SNTG1: variants seen among roughly 807,000 people sequenced by gnomAD.
The protein encoded by SNTG1 is syntrophin gamma 1.
In SNTG1, 39 loss-of-function variants were observed where a neutral mutation model predicts 74.7. The observed-to-expected ratio is 0.52, with a 90% confidence interval of 0.40 to 0.68. SNTG1 has a LOEUF of 0.68. Ranked by LOEUF, SNTG1 falls within the 30% of genes least tolerant of loss-of-function variation. SNTG1 has a pLI of 0.00. For missense variants in SNTG1, 685 were observed against 609.5 expected (o/e 1.12, Z -1.30); for synonymous variants, 254 against 217.1 (o/e 1.17, Z -1.49).
intron 3 of SNTG1, among the ~76,000 whole-genome samples, chr8:50,396,688 A>G (rs1292916923): frequency 1.3e-5 from 2 of 152,202 alleles, no homozygotes; most frequent in African/African-American, 4.8e-5. Flanking sequence ...TATATCTGAT[A>G]TTGTGAGTAT....
intron 4 of SNTG1, among the ~76,000 whole-genome samples, chr8:50,411,306 G>T (rs2092945379): frequency 1.3e-5 from 2 of 151,940 alleles, no homozygotes; most frequent in Non-Finnish European, 1.5e-5. Flanking sequence ...AAATTAGCCA[G>T]GCATGGTGGC....
intron 18 of SNTG1, among the ~76,000 whole-genome samples, chr8:50,754,289 A>G (rs934838466): frequency 1.3e-5 from 2 of 151,984 alleles, no homozygotes; most frequent in African/African-American, 4.8e-5. Context: ...GTGGCTACAG[A>G]ATATAGATAA....
rs1811434626 is a variant in SNTG1, at chr8:49,969,385, A to ATATT, written c.-103+57155_-103+57156insATTT. ...GCAAATACACATTTTAATTCATTTA[A>ATATT]TCTTTTTTTTTTTTTTTTTTTTTTT... On this transcript the variant is annotated intron_variant, in intron 1 of 18. Transcript: ENST00000642720. Among the ~76,000 whole-genome samples the ATATT allele has an allele frequency of 4.3e-5, 5 of 116,628 alleles. 2 individuals are homozygous for ATATT. Among genetic ancestry groups the ATATT allele is most frequent in the Non-Finnish European group, 1.7e-5 (1 of 58,524 alleles). 76.5% of individuals were successfully genotyped at this position (116,628 alleles called of 152,430 possible). A position where few individuals can be genotyped will look rare whatever the true frequency, so the allele number is the denominator to read the frequency against.
chr8:50,294,177 T>C lies in SNTG1; in HGVS notation c.-27-100035T>C, dbSNP rs59212018. ...GAATAAAAAAGTTAAGATAACCTAA[T>C]ATTATTACACTTAAGATTAAGTAAT... On this transcript the variant is annotated intron_variant, in intron 2 of 18. Coordinates refer to ENST00000642720, the MANE Select transcript of SNTG1 (RefSeq NM_018967.5). Among the ~76,000 whole-genome samples, 381 of 152,280 alleles carry C rather than the reference T, an allele frequency of 2.5e-3. 1 individual carries two copies. Among genetic ancestry groups the C allele is most frequent in the African/African-American group, 8.8e-3 (367 of 41,562 alleles).
chr8:50,101,662 C>T (rs943534242), intron 1 of SNTG1, among the ~76,000 whole-genome samples: 22 of 151,968 alleles, frequency 1.4e-4, no homozygotes, highest in Admixed American at 3.3e-4. Context: ...CACACATTAA[C>T]TCGTCATTTA....
chr8:50,577,276 G>A (rs764656834), intron 12 of SNTG1, among the ~76,000 whole-genome samples: 3 of 152,030 alleles, frequency 2.0e-5, no homozygotes, highest in Non-Finnish European at 4.4e-5. Flanking sequence ...GAACTACTTC[G>A]ATTGATTTTC....
intron 1 of SNTG1, among the ~76,000 whole-genome samples, chr8:50,017,840 A>G (rs1008042361): frequency 1.3e-5 from 2 of 151,992 alleles, no homozygotes; most frequent in African/African-American, 4.8e-5. Context: ...ACCCACTTTC[A>G]ATAATGGATA....
chr8:50,234,969 T>C (rs896218347), intron 2 of SNTG1, among the ~76,000 whole-genome samples: 1 of 152,040 alleles, frequency 6.6e-6, no homozygotes, highest in Non-Finnish European at 1.5e-5. Context: ...AAAATCAGTG[T>C]GAGGAAAGAT....
intron 2 of SNTG1, among the ~76,000 whole-genome samples, chr8:50,226,519 A>G (rs1470026646): frequency 6.6e-6 from 1 of 152,216 alleles, no homozygotes; most frequent in African/African-American, 2.4e-5. Flanking sequence ...CTCTAAGGGC[A>G]GCCACTATAA....
At chr8:50,105,030 C>G (rs377128861) in intron 1 of SNTG1, among the ~76,000 whole-genome samples, 3 of 152,052 alleles carry the variant, frequency 2.0e-5, no homozygotes, top group African/African-American at 7.2e-5. Context: ...TCTGCAGAAG[C>G]CTTTTAATTT....
chr8:49,957,147 T>A (rs318890), intron 1 of SNTG1, among the ~76,000 whole-genome samples: 1 of 152,220 alleles, frequency 6.6e-6, no homozygotes, highest in African/African-American at 2.4e-5. Context: ...TAGAAGCACA[T>A]CATTAAGATG....
At chr8:50,583,564 A>G (rs928813382) in intron 12 of SNTG1, among the ~76,000 whole-genome samples, 3 of 152,098 alleles carry the variant, frequency 2.0e-5, no homozygotes, top group Non-Finnish European at 2.9e-5. Flanking sequence ...GGATATTCAC[A>G]ATACATTTTA....
intron 18 of SNTG1, among the ~76,000 whole-genome samples, chr8:50,789,770 A>G (rs1257128242): frequency 1.6e-4 from 25 of 151,840 alleles, no homozygotes; most frequent in Admixed American, 1.5e-3. Context: ...CAGAATCATC[A>G]TTTTCTGACT....
intron 1 of SNTG1, among the ~76,000 whole-genome samples, chr8:49,937,874 C>G (rs1472688980): frequency 6.6e-6 from 1 of 152,094 alleles, no homozygotes; most frequent in Non-Finnish European, 1.5e-5. Context: ...GCCTTCCTCC[C>G]TCCTCCTTCT....
At chr8:50,708,999 C>G in intron 17 of SNTG1, 21 bp downstream of exon 17, 1 of 1,549,308 alleles carries the variant, frequency 6.5e-7, no homozygotes, top group South Asian at 1.1e-5. Flanking sequence ...CAGGTCAGCT[C>G]TGAGAAATAT....
At chr8:50,243,084 G>A (rs1362624129) in intron 2 of SNTG1, among the ~76,000 whole-genome samples, 1 of 152,012 alleles carries the variant, frequency 6.6e-6, no homozygotes, top group East Asian at 1.9e-4. Context: ...GTGAGAATTA[G>A]TAAACTGTTG....
chr8:50,153,505 G>C (rs977772685), intron 1 of SNTG1, among the ~76,000 whole-genome samples: 18 of 152,124 alleles, frequency 1.2e-4, no homozygotes, highest in South Asian at 4.1e-4. Flanking sequence ...CAGCTTTTCT[G>C]CTCTGTTTTT....
intron 13 of SNTG1, among the ~76,000 whole-genome samples, chr8:50,654,572 T>A (rs539645078): frequency 6.6e-6 from 1 of 152,338 alleles, no homozygotes; most frequent in South Asian, 2.1e-4. Context: ...CTATTGTTTT[T>A]ATTCTTCATG....
chr8:50,728,615 T>C (rs1331597995), intron 17 of SNTG1, among the ~76,000 whole-genome samples: 2 of 152,184 alleles, frequency 1.3e-5, no homozygotes, highest in East Asian at 1.9e-4. Flanking sequence ...AGATTGAACA[T>C]TCAGCTGTGG....
Sources: allele counts gnomAD v4.1 joint callset (sites outside exome capture counted in the v4.1 genomes callset), GRCh38; gene constraint gnomAD v4.1.1; transcripts MANE v1.5; gene names NCBI Gene and HGNC (gene_info 2026-07-23, HGNC 2026-07-21).